Variants in TULP3 observed in about 807,000 individuals in gnomAD.
The protein encoded by TULP3 is tubby-related protein 3.
Under a neutral mutation model 50.7 loss-of-function variants are expected in TULP3, and 38 were observed. The ratio of observed to expected loss-of-function variants is 0.75; its 90% confidence interval spans 0.58 to 0.98. The LOEUF is 0.98. Among genes scored for constraint, TULP3 ranks in the 50% least tolerant of loss-of-function variants. The pLI, the probability that TULP3 is intolerant of heterozygous loss-of-function variation, is 0.00. For missense variants in TULP3, 550 were observed against 568.0 expected, an observed-to-expected ratio of 0.97 and a Z score of 0.32; for synonymous variants, 183 against 196.6, an observed-to-expected ratio of 0.93 and a Z score of 0.58.
At chr12:2,935,919 G>A (rs766074019) in intron 8 of TULP3, among the ~76,000 whole-genome samples, 1 of 151,970 alleles carries the variant, frequency 6.6e-6, no homozygotes, top group Non-Finnish European at 1.5e-5. Context: ...GCAGTGAGCC[G>A]TGATCACACC....
chr12:2,933,558 ATTC>A lies in TULP3; in HGVS notation c.809+31_809+33del, dbSNP rs778907981. The A allele has an allele frequency of 2.2e-6, 3 of 1,379,668 alleles. No individual in the cohort carries two copies. The African/African-American group carries it at 4.3e-5, about 20-fold the overall frequency. The allele number at this position is 1,379,668 out of a possible 1,614,324, so 85.5% of individuals were successfully genotyped here. On this transcript the variant is annotated intron_variant, in intron 7 of 10. Transcript: ENST00000448120. ...GAAAGCAACCTTAGATCACTGTCCT[ATTC>A]TTTCTGATAGTCTTATTCCTATAGT...
Position 2,931,132 on chromosome 12 carries a change from C to G in TULP3, c.588C>G (p.Ala196=), listed in dbSNP as rs1425344946. The G allele has an allele frequency of 1.2e-6, 2 of 1,614,108 alleles. No individual in the cohort carries two copies. Among genetic ancestry groups the G allele is most frequent in the Non-Finnish European group, 1.7e-6 (2 of 1,180,036 alleles). ...DDLEDFVYSP[A]PQGVTVRCRI... The stretch of plus-strand genomic sequence containing the variant: ...TGGAGGACTTTGTGTATAGTCCTGC[C>G]CCTCAAGGTGTCACAGTAAGATGTC... Residue 196 remains alanine, a synonymous_variant, in exon 6 of 11, where the codon GCC becomes GCG. Coordinates refer to ENST00000448120, the MANE Select transcript of TULP3 (RefSeq NM_003324.5).
intron 10 of TULP3, 69 bp downstream of exon 10, chr12:2,938,354 C>CCCAT: frequency 7.3e-6 from 11 of 1,507,890 alleles, no homozygotes; most frequent in Non-Finnish European, 9.9e-6. Context: ...AATGCACATT[C>CCCAT]CCTGTACATG....
At chr12:2,908,032 G>T (rs548015681) in intron 1 of TULP3, among the ~76,000 whole-genome samples, 2 of 152,234 alleles carry the variant, frequency 1.3e-5, no homozygotes, top group African/African-American at 4.8e-5. Flanking sequence ...TCTGTGTGAG[G>T]GTTGTTAAAC....
chr12:2,891,946 C>T (rs1037302673), intron 1 of TULP3, among the ~76,000 whole-genome samples: 7 of 151,968 alleles, frequency 4.6e-5, no homozygotes, highest in African/African-American at 1.7e-4. Flanking sequence ...TTTGGCCGGA[C>T]ACGGTGGTGC....
rs1387787065 is a variant in TULP3 at position 2,910,757 on chromosome 12, GAAAC to G, written c.93+1182_93+1185del. Among the ~76,000 whole-genome samples the G allele has an allele frequency of 4.6e-5, 7 of 152,054 alleles. No homozygotes were observed. The East Asian group carries it at 5.8e-4, about 13-fold the overall frequency. On this transcript the variant is annotated intron_variant, in intron 2 of 10. Transcript: ENST00000448120. ...TAAAGGTGGAATTACTGAAAACTAA[GAAAC>G]AAACTAATTTACTGTGATCTTGGAG...
At chr12:2,930,010 A>G (rs1379566738) in intron 4 of TULP3, among the ~76,000 whole-genome samples, 1 of 152,164 alleles carries the variant, frequency 6.6e-6, no homozygotes, top group Non-Finnish European at 1.5e-5. Context: ...TCATCATCCC[A>G]GAGACTTCAC....
At chr12:2,899,221 T>G (rs1274619757) in intron 1 of TULP3, among the ~76,000 whole-genome samples, 1 of 151,552 alleles carries the variant, frequency 6.6e-6, no homozygotes, top group Non-Finnish European at 1.5e-5. Context: ...GGCCCATGCC[T>G]GTAATCCCAG....
chr12:2,926,847 C>T (rs886660261), intron 4 of TULP3, among the ~76,000 whole-genome samples: 6 of 152,200 alleles, frequency 3.9e-5, no homozygotes. Context: ...GTGGAAGTTG[C>T]AGTGAACAGA....
At chr12:2,918,158 G>C (rs1457549420) in intron 2 of TULP3, among the ~76,000 whole-genome samples, 1 of 152,148 alleles carries the variant, frequency 6.6e-6, no homozygotes, top group Non-Finnish European at 1.5e-5. Flanking sequence ...CTGTCGCCCA[G>C]GCTGGAGTGT....
At chr12:2,893,566 C>G (rs1379126519) in intron 1 of TULP3, among the ~76,000 whole-genome samples, 1 of 152,082 alleles carries the variant, frequency 6.6e-6, no homozygotes, top group Non-Finnish European at 1.5e-5. Context: ...GGGGATTCGC[C>G]CGCCTCGGCC....
In TULP3 at chr12:2,934,546, G is replaced by C. The variant is rs753964119; in HGVS notation, c.909G>C (p.Leu303=). 4.4e-6 allele frequency: 7 copies of C among 1,592,688 alleles called. No homozygotes were observed. The highest frequency in any genetic ancestry group is 5.1e-6 in the Non-Finnish European group (6 of 1,170,040). The change falls in exon 8 of 11, where the codon CTG becomes CTC. Residue 303 remains leucine (L), a synonymous_variant. Coordinates refer to ENST00000448120, the MANE Select transcript of TULP3 (RefSeq NM_003324.5). ...GAGCGGCCCACACCCGGCAGGAGCT[G>C]GCTGCCATCTCCTATGTGAGTGCTG... is the stretch of plus-strand genomic sequence containing the variant. ...LVGAAHTRQE[L]AAISYETNVL...
intron 2 of TULP3, among the ~76,000 whole-genome samples, chr12:2,916,437 T>G (rs1048636491): frequency 6.6e-6 from 1 of 152,098 alleles, no homozygotes; most frequent in Non-Finnish European, 1.5e-5. Flanking sequence ...ACTAAATTCT[T>G]GGGAAGATAG....
At chr12:2,902,220 G>C (rs927594555) in intron 1 of TULP3, among the ~76,000 whole-genome samples, 1 of 152,164 alleles carries the variant, frequency 6.6e-6, no homozygotes. Context: ...ACTGGCACTT[G>C]TTGCATTAAT....
At chr12:2,924,235 G>C (rs1035272005) in intron 4 of TULP3, among the ~76,000 whole-genome samples, 1 of 152,160 alleles carries the variant, frequency 6.6e-6, no homozygotes, top group Non-Finnish European at 1.5e-5. Context: ...GACTCAGGAA[G>C]AGGTGCTGGC....
chr12:2,901,457 C>T (rs910806631), intron 1 of TULP3, among the ~76,000 whole-genome samples: 2 of 151,960 alleles, frequency 1.3e-5, no homozygotes, highest in African/African-American at 4.8e-5. Context: ...TCTCAGCTCA[C>T]TGCAACTTCT....
intron 2 of TULP3, among the ~76,000 whole-genome samples, chr12:2,914,715 C>T (rs541959996): frequency 2.4e-4 from 36 of 152,184 alleles, no homozygotes; most frequent in African/African-American, 8.7e-4. Context: ...TCACTGCAAC[C>T]TCTGCCTCCC....
At chr12:2,894,744 A>G (rs1565495080) in intron 1 of TULP3, among the ~76,000 whole-genome samples, 1 of 151,994 alleles carries the variant, frequency 6.6e-6, no homozygotes, top group African/African-American at 2.4e-5. Context: ...AAATACAAAA[A>G]TTAGCCAGTT....
At chr12:2,922,609 G>T (rs1415151498) in intron 4 of TULP3, among the ~76,000 whole-genome samples, 1 of 152,176 alleles carries the variant, frequency 6.6e-6, no homozygotes, top group Non-Finnish European at 1.5e-5. Context: ...CTGAGAAAAA[G>T]AAGATAATTA....
Sources: gnomAD v4.1 joint callset for allele counts (sites outside exome capture counted in the v4.1 genomes callset) on GRCh38, gnomAD v4.1.1 for gene constraint, MANE v1.5 for transcripts, NCBI Gene and HGNC (gene_info 2026-07-23, HGNC 2026-07-21) for gene names.